Variants in ACSL6 observed in about 807,000 individuals in gnomAD.
ACSL6 encodes the protein long-chain-fatty-acid--CoA ligase 6.
Under a neutral mutation model 98.2 loss-of-function variants are expected in ACSL6, and 47 were observed. The ratio of observed to expected loss-of-function variants is 0.48; its 90% CI spans 0.38 to 0.61. ACSL6 has a LOEUF of 0.61. Ranked by LOEUF, ACSL6 falls within the 20% of genes least tolerant of loss-of-function variation. The pLI is 0.00. For synonymous variants in ACSL6, 362 were observed against 336.9 expected (o/e 1.07, Z -0.82); for missense variants, 761 against 913.4 (o/e 0.83, Z 2.15).
At chr5:131,963,476 C>T (rs1157179829) in intron 17 of ACSL6, among the ~76,000 whole-genome samples, 1 of 152,202 alleles carries the variant, frequency 6.6e-6, no homozygotes, top group African/African-American at 2.4e-5. Flanking sequence ...AGATCCAGAA[C>T]CCAAATACCC....
intron 9 of ACSL6, among the ~76,000 whole-genome samples, chr5:131,980,653 C>A (rs1365011014): frequency 6.6e-6 from 1 of 152,136 alleles, no homozygotes; most frequent in East Asian, 1.9e-4. Context: ...AGCCTCCCAG[C>A]CCCACAGCCA....
At chr5:131,981,064 A>G (rs545320192) in intron 9 of ACSL6, among the ~76,000 whole-genome samples, 174 of 151,656 alleles carry the variant, frequency 1.1e-3, no homozygotes, top group African/African-American at 4.1e-3. Context: ...GGCCTCCCAG[A>G]CTCTTCTCTT....
chr5:131,968,988 ACATGTCCAAAAGG>A (rs1352920425), intron 15 of ACSL6, among the ~76,000 whole-genome samples: 3 of 152,254 alleles, frequency 2.0e-5, no homozygotes, highest in Non-Finnish European at 2.9e-5. Flanking sequence ...GGGAAGAGAT[ACATGTCCAAAAGG>A]AAGGGATACA....
intron 1 of ACSL6, among the ~76,000 whole-genome samples, chr5:132,003,381 T>C (rs1561812054): frequency 6.6e-6 from 1 of 152,150 alleles, no homozygotes. Context: ...GCCTACAGTG[T>C]CCACAGAGTT....
At chr5:131,976,034 T>G (rs1753594990) in intron 10 of ACSL6, 1 of 985,476 alleles carries the variant, frequency 1.0e-6, no homozygotes, top group South Asian at 4.7e-5. Context: ...AAGCCAAACT[T>G]TTTTGAAAAG....
rs987341382 is a variant in ACSL6, at chr5:131,971,540, A to G, written c.1434+10T>C. Reference sequence around the variant, plus strand: ...TGCTGTTTCCAAGGGAGGACACACAATGACAATACCTGGCACCCTAGAGCT... The same window carrying G: ...TGCTGTTTCCAAGGGAGGACACACAGTGACAATACCTGGCACCCTAGAGCT... On this transcript the variant is annotated intron_variant, in intron 14 of 20. Transcript: ENST00000651883. 1 of 1,594,424 alleles carries G rather than the reference A, an allele frequency of 6.3e-7. No homozygotes were observed. The highest frequency in any genetic ancestry group is 8.6e-7 in the Non-Finnish European group (1 of 1,169,236).
At chr5:131,986,771 G>A in intron 8 of ACSL6, 51 bp downstream of exon 8, 1 of 1,607,400 alleles carries the variant, frequency 6.2e-7, no homozygotes, top group South Asian at 1.1e-5. Flanking sequence ...TGTGAGGACA[G>A]GCCCTGCACG....
intron 20 of ACSL6, 24 bp downstream of exon 20, chr5:131,959,512 G>T: frequency 6.2e-7 from 1 of 1,609,750 alleles, no homozygotes; most frequent in Non-Finnish European, 8.5e-7. Context: ...GGGTTGTAAC[G>T]AGTATGGGGA....
chr5:131,994,349 AG>A, intron 1 of ACSL6, 98 bp from the exon 2 acceptor site: 2 of 1,082,618 alleles, frequency 1.8e-6, no homozygotes, highest in Non-Finnish European at 2.7e-6. Context: ...GAAACACTGT[AG>A]GGCAGGCCCT....
Position 131,994,179 on chromosome 5 carries a change from C to T in ACSL6, c.122G>A (p.Gly41Asp). The change falls in exon 2 of 21, where the codon GGT becomes GAT. Residue 41 changes from glycine to aspartate, a missense_variant. By Grantham distance (94) the Gly-to-Asp change is moderately conservative. Coordinates refer to ENST00000651883, the MANE Select transcript of ACSL6 (RefSeq NM_001009185.3). ...ILRILRLPEL[G>D]DLGQFFRSLS... ...GCTGCGGAAAAACTGTCCCAAGTCA[C>T]CTAGCTCAGGCAGTCGCAGTATCCT... 1 of 1,614,224 alleles carries T rather than the reference C, an allele frequency of 6.2e-7. No homozygotes were observed. The highest frequency in any genetic ancestry group is 8.5e-7 in the Non-Finnish European group (1 of 1,180,050).
chr5:131,978,286 G>C (rs1311212477), intron 9 of ACSL6, among the ~76,000 whole-genome samples: 1 of 152,204 alleles, frequency 6.6e-6, no homozygotes, highest in Non-Finnish European at 1.5e-5. Context: ...AAGTGGAGCA[G>C]GCAGCAGGCA....
intron 16 of ACSL6, 92 bp from the exon 17 acceptor site, chr5:131,966,624 T>G: frequency 1.8e-6 from 2 of 1,092,204 alleles, no homozygotes; most frequent in Non-Finnish European, 2.8e-6. Flanking sequence ...TAAGGTGCAC[T>G]ACCCATCAGG....
intron 1 of ACSL6, among the ~76,000 whole-genome samples, chr5:132,004,314 C>T (rs1755262379): frequency 6.6e-6 from 1 of 151,766 alleles, no homozygotes; most frequent in African/African-American, 2.4e-5. Context: ...ACAGCACAGA[C>T]CTTGTGCCCT....
intron 1 of ACSL6, among the ~76,000 whole-genome samples, chr5:132,005,711 A>G (rs1755369858): frequency 6.6e-6 from 1 of 152,220 alleles, no homozygotes; most frequent in African/African-American, 2.4e-5. Flanking sequence ...GGGGAGTCTC[A>G]GCCCCTACAA....
upstream of ACSL6, chr5:132,011,948 C>A (rs774395657): frequency 2.8e-5 from 44 of 1,545,846 alleles, no homozygotes; most frequent in Non-Finnish European, 8.7e-7. The surrounding 1 kb of genome is among the most constrained non-coding windows in gnomAD (Gnocchi z 5.4). Flanking sequence ...GAAGGGGGAG[C>A]ACGGGCGACG....
At chr5:132,000,524 G>T (rs1490879642) in intron 1 of ACSL6, among the ~76,000 whole-genome samples, 5 of 151,984 alleles carry the variant, frequency 3.3e-5, no homozygotes, top group Admixed American at 3.3e-4. Flanking sequence ...GGGTGTGGGT[G>T]GCTACTTCCA....
At chr5:131,959,748 C>A (rs994173310) in intron 19 of ACSL6, 141 bp from the exon 20 acceptor site, 2 of 733,386 alleles carry the variant, frequency 2.7e-6, no homozygotes, top group Non-Finnish European at 4.6e-6. Context: ...GAGGCTGATA[C>A]TCCCTGGCAA....
chr5:131,962,638 A>C lies in ACSL6; in HGVS notation c.1754T>G (p.Phe585Cys). 1 of 1,614,068 alleles carries C rather than the reference A, an allele frequency of 6.2e-7. No individual in the cohort carries two copies. Among genetic ancestry groups the C allele is most frequent in the Non-Finnish European group, 8.5e-7 (1 of 1,179,984 alleles). ...LKIIDRKKHI[F>C]KLAQGEYVAP... ...AACATATTCTCCCTGAGCAAGTTTAAATATATGCTTTTTCCGATCAATAAT... is the reference window on the plus strand; with the variant it reads ...AACATATTCTCCCTGAGCAAGTTTACATATATGCTTTTTCCGATCAATAAT... Residue 585 changes from phenylalanine (F) to cysteine (C), a missense_variant, in exon 18 of 21, where the codon TTT becomes TGT. Coordinates refer to ENST00000651883, the MANE Select transcript of ACSL6 (RefSeq NM_001009185.3).
intron 1 of ACSL6, among the ~76,000 whole-genome samples, chr5:131,998,614 C>T (rs539507842): frequency 6.6e-6 from 1 of 152,130 alleles, no homozygotes; most frequent in African/African-American, 2.4e-5. Context: ...GCTGGTCCAG[C>T]CTCCTAACCT....
Sources: allele counts gnomAD v4.1 joint callset (sites outside exome capture counted in the v4.1 genomes callset), GRCh38; gene constraint gnomAD v4.1.1; non-coding constraint Gnocchi (gnomAD v3.1); transcripts MANE v1.5; gene names NCBI Gene and HGNC (gene_info 2026-07-23, HGNC 2026-07-21).